Variants in MTSS1 observed in about 807,000 individuals in gnomAD.
The protein encoded by MTSS1 is MTSS I-BAR domain containing 1.
In MTSS1, 18 loss-of-function variants were observed where a neutral mutation model predicts 79.0. The ratio of observed to expected loss-of-function variants is 0.23; its 90% CI spans 0.16 to 0.34. The LOEUF is 0.34. MTSS1 is among the 10% of genes least tolerant of loss of function. The pLI, the probability that MTSS1 is intolerant of heterozygous loss-of-function variation, is 1.00. For synonymous variants in MTSS1, 341 were observed against 368.6 expected, an observed-to-expected ratio of 0.93 and a Z score of 0.86; for missense variants, 815 against 986.2, an observed-to-expected ratio of 0.83 and a Z score of 2.33.
At chr8:124,689,257 G>T (rs569065900) in intron 3 of MTSS1, among the ~76,000 whole-genome samples, 1 of 152,100 alleles carries the variant, frequency 6.6e-6, no homozygotes, top group East Asian at 1.9e-4. Flanking sequence ...CTTTTTCAAA[G>T]GGAGCACAGA....
chr8:124,677,446 C>T (rs549064952), intron 3 of MTSS1, among the ~76,000 whole-genome samples: 2 of 152,332 alleles, frequency 1.3e-5, no homozygotes, highest in East Asian at 1.9e-4. Context: ...ACAGACAAAA[C>T]CCAAATGAAT....
chr8:124,725,725 C>G (rs1289722886), intron 1 of MTSS1, among the ~76,000 whole-genome samples: 1 of 152,200 alleles, frequency 6.6e-6, no homozygotes, highest in Admixed American at 6.5e-5. Context: ...TACTGCTTAT[C>G]AGATCTGTTC....
intron 6 of MTSS1, among the ~76,000 whole-genome samples, chr8:124,572,503 T>G (rs10106071): frequency 0.32 from 49,333 of 151,948 alleles, 8,738 homozygotes; most frequent in African/African-American, 0.46. Context: ...AAGCCCATTC[T>G]CTTCACTCCC....
chr8:124,604,157 G>A (rs1322439612), intron 3 of MTSS1, among the ~76,000 whole-genome samples: 13 of 152,022 alleles, frequency 8.6e-5, no homozygotes. Flanking sequence ...AGGTTGCAGT[G>A]AGCCGAAATC....
At chr8:124,670,617 T>G (rs1197968307) in intron 3 of MTSS1, among the ~76,000 whole-genome samples, 1 of 152,234 alleles carries the variant, frequency 6.6e-6, no homozygotes, top group East Asian at 1.9e-4. Context: ...GAAGTGAGCT[T>G]CAGATAAACA....
intron 5 of MTSS1, among the ~76,000 whole-genome samples, chr8:124,585,421 T>C (rs1302596060): frequency 1.6e-5 from 1 of 61,944 alleles, no homozygotes; most frequent in Non-Finnish European, 4.9e-5. Context: ...TGGGAATACT[T>C]TTTTTTTTTT....
intron 3 of MTSS1, among the ~76,000 whole-genome samples, chr8:124,623,316 A>AT (rs1423542509): frequency 6.6e-6 from 1 of 152,230 alleles, no homozygotes; most frequent in Non-Finnish European, 1.5e-5. Context: ...GTCCTCAGAC[A>AT]TTTTTTCCAG....
chr8:124,646,154 A>T (rs944933825), intron 3 of MTSS1, among the ~76,000 whole-genome samples: 2 of 152,240 alleles, frequency 1.3e-5, no homozygotes, highest in Non-Finnish European at 2.9e-5. Context: ...GAAACCAGGA[A>T]TCAAATTCCT....
chr8:124,694,962 TTTAA>T (rs1828557686), intron 3 of MTSS1, among the ~76,000 whole-genome samples: 1 of 152,152 alleles, frequency 6.6e-6, no homozygotes. Flanking sequence ...TCCATTATAG[TTTAA>T]TTATTAACCC....
intron 3 of MTSS1, among the ~76,000 whole-genome samples, chr8:124,676,423 G>A (rs1480374204): frequency 6.6e-6 from 1 of 152,194 alleles, no homozygotes; most frequent in Non-Finnish European, 1.5e-5. Flanking sequence ...TTTGAACAGA[G>A]CCATTTTTAT....
intron 3 of MTSS1, among the ~76,000 whole-genome samples, chr8:124,602,207 A>ATATATATACATATATATATATACACAT: frequency 4.9e-5 from 7 of 142,234 alleles, no homozygotes; most frequent in African/African-American, 1.9e-4. Flanking sequence ...ATATATATAT[A>ATATATATACATATATATATATACACAT]ATTTTTTTTT....
At chr8:124,697,442 C>G (rs1199998532) in intron 3 of MTSS1, among the ~76,000 whole-genome samples, 1 of 152,038 alleles carries the variant, frequency 6.6e-6, no homozygotes, top group Non-Finnish European at 1.5e-5. Flanking sequence ...TGCCTGTAAT[C>G]CCAGCTACAC....
chr8:124,673,199 T>C (rs1824613372), intron 3 of MTSS1: 1 of 152,082 alleles, frequency 6.6e-6, no homozygotes, highest in Non-Finnish European at 1.5e-5. Context: ...ACACTCACTT[T>C]CACAGCAAAT....
chr8:124,665,562 C>A (rs895612159), intron 3 of MTSS1, among the ~76,000 whole-genome samples: 3 of 151,330 alleles, frequency 2.0e-5, no homozygotes, highest in Non-Finnish European at 4.4e-5. Flanking sequence ...GACAGCCTAG[C>A]TATAAAAAAA....
At chr8:124,675,363 T>A (rs1406844991) in intron 3 of MTSS1, among the ~76,000 whole-genome samples, 1 of 152,186 alleles carries the variant, frequency 6.6e-6, no homozygotes, top group Non-Finnish European at 1.5e-5. Context: ...CCCCTATGTG[T>A]AAAGGTGTGT....
At chr8:124,580,672 TGTGTTAAACA>T (rs1829871377) in intron 6 of MTSS1, 2 of 1,333,636 alleles carry the variant, frequency 1.5e-6, no homozygotes, top group Admixed American at 4.0e-5. Flanking sequence ...CTTTGTTTCA[TGTGTTAAACA>T]GTCCATGGCT....
intron 1 of MTSS1, among the ~76,000 whole-genome samples, chr8:124,716,926 C>A (rs896709695): frequency 6.6e-6 from 1 of 151,562 alleles, no homozygotes; most frequent in Non-Finnish European, 1.5e-5. Context: ...GATAAAAAGT[C>A]CTTCGGGGGA....
chr8:124,617,843 G>T (rs530855776), intron 3 of MTSS1, among the ~76,000 whole-genome samples: 1 of 152,176 alleles, frequency 6.6e-6, no homozygotes, highest in Non-Finnish European at 1.5e-5. Context: ...TAAAATCCCT[G>T]ACAACTCTAT....
chr8:124,589,838 G>T, intron 4 of MTSS1, 127 bp from the exon 5 acceptor site: 1 of 674,906 alleles, frequency 1.5e-6, no homozygotes, highest in Admixed American at 2.7e-5. Flanking sequence ...AAACCCCGGG[G>T]CTCCAGAACA....
Sources: allele counts gnomAD v4.1 joint callset (sites outside exome capture counted in the v4.1 genomes callset), GRCh38; gene constraint gnomAD v4.1.1; transcripts MANE v1.5; gene names NCBI Gene and HGNC (gene_info 2026-07-23, HGNC 2026-07-21).